FREM2: variants seen among roughly 807,000 people sequenced by gnomAD.
FREM2 encodes the protein FRAS1-related extracellular matrix protein 2.
In FREM2, 119 loss-of-function variants were observed where a neutral mutation model predicts 219.9. The observed-to-expected ratio is 0.54, with a 90% CI of 0.47 to 0.63. FREM2 has a LOEUF of 0.63. Among genes scored for constraint, FREM2 ranks in the 30% least tolerant of loss-of-function variants. FREM2 has a pLI of 0.00. For synonymous variants in FREM2, 1,562 were observed against 1,522.8 expected (o/e 1.03, Z -0.60); for missense variants, 4,030 against 3,993.6 (o/e 1.01, Z -0.25).
chr13:38,880,198 C>T (rs888983172), intron 23 of FREM2, 86 bp from the exon 24 acceptor site: 1 of 1,306,214 alleles, frequency 7.7e-7, no homozygotes, highest in African/African-American at 1.5e-5. Flanking sequence ...ATTAATATCT[C>T]TGCCATTAAT....
intron 6 of FREM2, among the ~76,000 whole-genome samples, chr13:38,834,387 T>G (rs1447998253): frequency 6.6e-6 from 1 of 152,212 alleles, no homozygotes; most frequent in Non-Finnish European, 1.5e-5. Context: ...ATGGTATATA[T>G]GTGCCACATT....
chr13:38,871,816 A>G (rs1057467453), intron 16 of FREM2, among the ~76,000 whole-genome samples: 19 of 152,208 alleles, frequency 1.2e-4, no homozygotes, highest in Admixed American at 1.2e-3. Context: ...TACTCAATAT[A>G]TAAATATTAG....
rs1479902911 is a variant in FREM2 at position 38,882,240 on chromosome 13, A to G, written c.*1453A>G. ...AAAAGCTAGTAAACATGTTTCAAAG[A>G]AAAATAAGGTCAGGAGAAAAAGAAT... is the stretch of plus-strand genomic sequence containing the variant. On this transcript the variant is annotated 3_prime_UTR_variant, in exon 24 of 24. Transcript: ENST00000280481. 6.6e-6 allele frequency: 1 copy of G among 152,164 alleles called. No individual in the cohort carries two copies. Among genetic ancestry groups the G allele is most frequent in the Non-Finnish European group, 1.5e-5 (1 of 68,026 alleles). The allele number at this position is 152,164 out of a possible 1,614,324, so 9.4% of individuals were successfully genotyped here.
intron 2 of FREM2, among the ~76,000 whole-genome samples, 178 bp downstream of exon 2, chr13:38,697,965 T>C (rs1421455012): frequency 6.6e-6 from 1 of 152,242 alleles, no homozygotes; most frequent in Non-Finnish European, 1.5e-5. Context: ...TACTATGTCA[T>C]GGCTATAGAT....
chr13:38,793,566 A>G (rs577215197), intron 6 of FREM2, among the ~76,000 whole-genome samples: 1 of 152,344 alleles, frequency 6.6e-6, no homozygotes, highest in South Asian at 2.1e-4. Flanking sequence ...CCCTGTGGCC[A>G]TATAAAAGAG....
chr13:38,867,922 A>T (rs2137929152), intron 16 of FREM2, among the ~76,000 whole-genome samples: 1 of 152,322 alleles, frequency 6.6e-6, no homozygotes, highest in Non-Finnish European at 1.5e-5. Context: ...ACGGATTCAA[A>T]TGCCAGTCTT....
intron 6 of FREM2, among the ~76,000 whole-genome samples, chr13:38,806,249 T>C (rs1414374188): frequency 6.6e-6 from 1 of 151,902 alleles, no homozygotes; most frequent in Non-Finnish European, 1.5e-5. Context: ...AAACTTTGAT[T>C]CAGAACCCAC....
At chr13:38,807,683 T>C (rs551106233) in intron 6 of FREM2, among the ~76,000 whole-genome samples, 1 of 152,072 alleles carries the variant, frequency 6.6e-6, no homozygotes, top group South Asian at 2.1e-4. Context: ...GCAGTCCTTT[T>C]TTCTGGGCAG....
intron 16 of FREM2, among the ~76,000 whole-genome samples, chr13:38,869,972 G>A (rs1471391502): frequency 3.3e-5 from 5 of 152,096 alleles, no homozygotes; most frequent in African/African-American, 4.8e-5. Context: ...TGATAACATC[G>A]TTCAGTGTGC....
chr13:38,713,856 A>G (rs1870877336), intron 2 of FREM2, among the ~76,000 whole-genome samples: 5 of 152,200 alleles, frequency 3.3e-5, no homozygotes. Context: ...CAATGACTGG[A>G]GACATTTTTG....
Position 38,719,675 on chromosome 13 carries a change from A to G in FREM2, c.5263+21888A>G, listed in dbSNP as rs369989777. 9.3e-4 allele frequency among the ~76,000 whole-genome samples: 142 copies of G among 152,264 alleles called. 1 individual carries two copies. The highest frequency in any genetic ancestry group is 3.4e-3 in the African/African-American group (141 of 41,560). On this transcript the variant is annotated intron_variant, in intron 2 of 23. Coordinates refer to ENST00000280481, the MANE Select transcript of FREM2 (RefSeq NM_207361.6). ...GATTAGCAAACTTAATTTCATTTTCAATCTTAATTGCCTTTTGCTGTGTAA... is the reference window on the plus strand; with the variant it reads ...GATTAGCAAACTTAATTTCATTTTCGATCTTAATTGCCTTTTGCTGTGTAA...
rs546169169 is a variant in FREM2 at position 38,749,539 on chromosome 13, G to A, written c.5264-14765G>A. Among the ~76,000 whole-genome samples, 5 of 152,278 alleles carry A rather than the reference G, an allele frequency of 3.3e-5. No homozygotes were observed. In the South Asian group the frequency reaches 8.3e-4, roughly 25 times the overall value. On this transcript the variant is annotated intron_variant, in intron 2 of 23. Coordinates refer to ENST00000280481, the MANE Select transcript of FREM2 (RefSeq NM_207361.6). ...TACAGACCACGGTTTCTCAACCCCAGTGCTATTGACATTTGGGGCCAGATA... is the reference window on the plus strand; with the variant it reads ...TACAGACCACGGTTTCTCAACCCCAATGCTATTGACATTTGGGGCCAGATA...
intron 6 of FREM2, among the ~76,000 whole-genome samples, chr13:38,845,045 C>A (rs914739726): frequency 6.6e-6 from 1 of 151,988 alleles, no homozygotes; most frequent in Admixed American, 6.6e-5. Context: ...AAGAAGGAGG[C>A]TAACTATGTT....
At chr13:38,851,170 G>T in intron 10 of FREM2, 62 bp downstream of exon 10, 1 of 1,559,312 alleles carries the variant, frequency 6.4e-7, no homozygotes. Context: ...GCCAAGTCAA[G>T]GTTTTAAGTG....
At chr13:38,743,716 A>G (rs866046862) in intron 2 of FREM2, among the ~76,000 whole-genome samples, 22 of 152,294 alleles carry the variant, frequency 1.4e-4, no homozygotes, top group Admixed American at 7.8e-4. Flanking sequence ...CTAAACCACT[A>G]TAGCAACCTT....
At chr13:38,710,833 G>A (rs1870742773) in intron 2 of FREM2, among the ~76,000 whole-genome samples, 1 of 152,178 alleles carries the variant, frequency 6.6e-6, no homozygotes, top group Admixed American at 6.5e-5. Context: ...TAAAAATAGT[G>A]TAAAAATAAA....
intron 2 of FREM2, among the ~76,000 whole-genome samples, chr13:38,722,326 C>T (rs1871310220): frequency 6.6e-6 from 1 of 152,014 alleles, no homozygotes. Flanking sequence ...TCCCAAAGTG[C>T]TGGGATTATA....
At chr13:38,760,248 C>T (rs1873175398) in intron 2 of FREM2, among the ~76,000 whole-genome samples, 1 of 152,120 alleles carries the variant, frequency 6.6e-6, no homozygotes. Context: ...AGCAAAGCTT[C>T]TTTATATTTT....
chr13:38,850,291 A>G, intron 9 of FREM2, 56 bp downstream of exon 9: 1 of 1,360,150 alleles, frequency 7.4e-7, no homozygotes, highest in Non-Finnish European at 1.0e-6. Context: ...ATTTTTACTC[A>G]GAAATATATA....
Sources: allele counts gnomAD v4.1 joint callset (sites outside exome capture counted in the v4.1 genomes callset), GRCh38; gene constraint gnomAD v4.1.1; transcripts MANE v1.5; gene names NCBI Gene and HGNC (gene_info 2026-07-23, HGNC 2026-07-21).